Variants in DDX4 observed in about 807,000 individuals in gnomAD.
DDX4 encodes the protein probable ATP-dependent RNA helicase DDX4.
In DDX4, 25 loss-of-function variants were observed where a neutral mutation model predicts 100.0. The observed-to-expected ratio is 0.25, with a 90% CI of 0.18 to 0.35. The LOEUF (loss-of-function observed/expected upper bound fraction) is 0.35. Among genes scored for constraint, DDX4 ranks in the 10% least tolerant of loss-of-function variants. The probability of loss-of-function intolerance (pLI) is 1.00; values close to 1 mark genes in which losing one functional copy is unlikely to be tolerated. For missense variants in DDX4, 635 were observed against 882.4 expected, an observed-to-expected ratio of 0.72 and a Z score of 3.55; for synonymous variants, 259 against 275.7, an observed-to-expected ratio of 0.94 and a Z score of 0.60.
At chr5:55,780,202 C>CTGAG in intron 8 of DDX4, 137 bp downstream of exon 8, 2 of 1,322,836 alleles carry the variant, frequency 1.5e-6, no homozygotes, top group Non-Finnish European at 2.0e-6. Flanking sequence ...ACATTAATCA[C>CTGAG]CACATTGTAT....
At chr5:55,763,113 T>C in intron 4 of DDX4, 62 bp from the exon 5 acceptor site, 1 of 1,108,496 alleles carries the variant, frequency 9.0e-7, no homozygotes, top group South Asian at 1.4e-5. Context: ...TAATTCTTAG[T>C]TTTTGATGAT....
intron 10 of DDX4, among the ~76,000 whole-genome samples, chr5:55,783,670 G>GATGA (rs1396051356): frequency 1.9e-4 from 24 of 124,142 alleles, no homozygotes; most frequent in African/African-American, 5.8e-4. Context: ...TGGATGGATG[G>GATGA]ATGGATGAAT....
At chr5:55,772,394 A>G (rs1741308699) in intron 7 of DDX4, among the ~76,000 whole-genome samples, 1 of 152,082 alleles carries the variant, frequency 6.6e-6, no homozygotes, top group Admixed American at 6.5e-5. Context: ...ATATATGTGT[A>G]TCTGTTTCTC....
chr5:55,785,684 TGTA>T (rs772201374), intron 12 of DDX4, 42 bp from the exon 13 acceptor site: 3 of 1,537,080 alleles, frequency 2.0e-6, no homozygotes, highest in Admixed American at 3.7e-5. Context: ...TATATTTTCT[TGTA>T]GTCTCTGTAA....
At chr5:55,783,707 G>C (rs1429117700) in intron 10 of DDX4, among the ~76,000 whole-genome samples, 2 of 149,332 alleles carry the variant, frequency 1.3e-5, no homozygotes, top group African/African-American at 4.9e-5. Flanking sequence ...GGATGGATGA[G>C]AAGGAACTAA....
chr5:55,753,458 G>A (rs2111692906), intron 3 of DDX4, among the ~76,000 whole-genome samples: 1 of 152,184 alleles, frequency 6.6e-6, no homozygotes, highest in South Asian at 2.1e-4. Flanking sequence ...TTTTTCTCAG[G>A]TTTGTCAAAG....
intron 7 of DDX4, among the ~76,000 whole-genome samples, chr5:55,774,350 C>G (rs776569063): frequency 6.6e-6 from 1 of 151,988 alleles, no homozygotes; most frequent in Non-Finnish European, 1.5e-5. Context: ...TGGGGTCTCA[C>G]TGTGTTGTCC....
chr5:55,785,465 C>T lies in DDX4; in HGVS notation c.692C>T (p.Ala231Val), dbSNP rs1742185776. 1 of 1,608,066 alleles carries T rather than the reference C, an allele frequency of 6.2e-7. No homozygotes were observed. Among genetic ancestry groups the T allele is most frequent in the African/African-American group, 1.3e-5 (1 of 74,670 alleles). The change falls in exon 12 of 22, where the codon GCA becomes GTA. Residue 231 changes from alanine (A) to valine (V), a missense_variant. Ala to Val is a moderately conservative substitution (Grantham distance 64, BLOSUM62 0). This residue lies in a region of DDX4 where 446 missense variants were observed against 540.8 expected (regional missense o/e 0.82). Transcript: ENST00000505374. ...CTTCAAGATTCTTGGAAGTCAGAAGCAGAAGGAGGAGAAAGTAGTGATACT... is the reference window on the plus strand; with the variant it reads ...CTTCAAGATTCTTGGAAGTCAGAAGTAGAAGGAGGAGAAAGTAGTGATACT... ...GSGKNSWKSE[A>V]EGGESSDTQG...
chr5:55,781,893 CTG>C, intron 9 of DDX4, 39 bp from the exon 10 acceptor site: 2 of 1,606,640 alleles, frequency 1.2e-6, no homozygotes, highest in South Asian at 2.2e-5. Context: ...TGAGCAGCAG[CTG>C]TGTTTTATCT....
At chr5:55,751,870 A>G (rs1340106582) in intron 3 of DDX4, among the ~76,000 whole-genome samples, 1 of 152,210 alleles carries the variant, frequency 6.6e-6, no homozygotes, top group Non-Finnish European at 1.5e-5. Context: ...TCTGTCAAAA[A>G]GTAGCCTCCT....
At chr5:55,813,238 G>T (rs1231960395) in intron 18 of DDX4, among the ~76,000 whole-genome samples, 1 of 152,108 alleles carries the variant, frequency 6.6e-6, no homozygotes, top group Non-Finnish European at 1.5e-5. Context: ...GCAGCCCCAG[G>T]TCAGATGCCA....
At chr5:55,814,666 A>G (rs1035998526) in intron 19 of DDX4, among the ~76,000 whole-genome samples, 1 of 151,988 alleles carries the variant, frequency 6.6e-6, no homozygotes, top group Non-Finnish European at 1.5e-5. Context: ...AATTTTTTGT[A>G]TCTTTAATAG....
intron 8 of DDX4, among the ~76,000 whole-genome samples, chr5:55,780,532 C>A (rs558094657): frequency 1.3e-5 from 2 of 152,224 alleles, no homozygotes; most frequent in African/African-American, 4.8e-5. Flanking sequence ...GTTTTGGAAG[C>A]TAAAAACATA....
chr5:55,782,456 G>GC (rs1741975363), intron 10 of DDX4: 1 of 156,264 alleles, frequency 6.4e-6, no homozygotes, highest in South Asian at 1.9e-4. Context: ...AACTTAGCTG[G>GC]GCATGGTGGT....
chr5:55,815,544 T>C, intron 21 of DDX4, 121 bp downstream of exon 21: 1 of 1,302,254 alleles, frequency 7.7e-7, no homozygotes, highest in East Asian at 2.8e-5. Context: ...GCCTGGAAGG[T>C]AGCTACTTTA....
At chr5:55,768,253 A>G (rs900081538) in intron 7 of DDX4, among the ~76,000 whole-genome samples, 1 of 152,108 alleles carries the variant, frequency 6.6e-6, no homozygotes, top group Non-Finnish European at 1.5e-5. Flanking sequence ...AGTCCCTGAT[A>G]GGTAGTTTTT....
At position 55,792,761 on chromosome 5, in the gene DDX4, C is replaced by T. The variant is rs150777387; in HGVS notation, c.1423C>T (p.Arg475Cys). 6 of 1,582,196 alleles carry T rather than the reference C, an allele frequency of 3.8e-6. No individual in the cohort carries two copies. Among genetic ancestry groups the T allele is most frequent in the African/African-American group, 1.4e-5 (1 of 73,750 alleles). ...CCCAGGAATGCCATCAAAGGAACAGCGCCAAACCCTTATGTTCAGTGCAAC... is the reference window on the plus strand; with the variant it reads ...CCCAGGAATGCCATCAAAGGAACAGTGCCAAACCCTTATGTTCAGTGCAAC... ...SCPGMPSKEQ[R>C]QTLMFSATFP... is the part of the protein sequence containing the mutation. The change falls in exon 17 of 22, where the codon CGC becomes TGC. Residue 475 changes from arginine to cysteine, a missense_variant. Arg to Cys is a radical substitution (Grantham distance 180). Transcript: ENST00000505374.
chr5:55,739,929 TG>T (rs1758885981), intron 2 of DDX4, among the ~76,000 whole-genome samples: 1 of 152,206 alleles, frequency 6.6e-6, no homozygotes, highest in Non-Finnish European at 1.5e-5. Flanking sequence ...TTTGTAGAGA[TG>T]AAGTCTCACT....
In DDX4 at chr5:55,777,879, A is replaced by G. The variant is rs542425351; in HGVS notation, c.395-2085A>G. On this transcript the variant is annotated intron_variant, in intron 7 of 21. Coordinates refer to ENST00000505374, the MANE Select transcript of DDX4 (RefSeq NM_024415.3). The stretch of plus-strand genomic sequence containing the variant: ...TAGTTCTGAACATGGTTCTAATCTA[A>G]CAATATACTAAGATGCACAAAGGAA... Among the ~76,000 whole-genome samples the G allele has an allele frequency of 1.0e-3, 153 of 152,218 alleles. 1 individual carries two copies. Among genetic ancestry groups the G allele is most frequent in the Non-Finnish European group, 1.8e-3 (121 of 68,042 alleles).
Sources: allele counts gnomAD v4.1 joint callset (sites outside exome capture counted in the v4.1 genomes callset), GRCh38; gene constraint gnomAD v4.1.1; regional missense constraint gnomAD v4.1.1; transcripts MANE v1.5; gene names NCBI Gene and HGNC (gene_info 2026-07-23, HGNC 2026-07-21).